Variants in KCTD16 observed in about 807,000 individuals in gnomAD.
KCTD16 encodes BTB/POZ domain-containing protein KCTD16.
Under a neutral mutation model 33.2 loss-of-function variants are expected in KCTD16, and 13 were observed. The observed-to-expected ratio is 0.39, with a 90% CI of 0.25 to 0.62. The LOEUF (loss-of-function observed/expected upper bound fraction) is 0.62. Among genes scored for constraint, KCTD16 ranks in the 20% least tolerant of loss-of-function variants. KCTD16 has a pLI of 0.50. For missense variants in KCTD16, 441 were observed against 525.1 expected, an observed-to-expected ratio of 0.84 and a Z score of 1.57; for synonymous variants, 197 against 195.3, an observed-to-expected ratio of 1.01 and a Z score of -0.07.
intron 3 of KCTD16, among the ~76,000 whole-genome samples, chr5:144,271,745 T>C (rs543567483): frequency 6.7e-6 from 1 of 148,898 alleles, no homozygotes; most frequent in African/African-American, 2.5e-5. Flanking sequence ...CTGGTATGTC[T>C]AAAAGACTAA....
intron 3 of KCTD16, among the ~76,000 whole-genome samples, chr5:144,411,285 T>C (rs1752927047): frequency 6.6e-6 from 1 of 152,154 alleles, no homozygotes; most frequent in Non-Finnish European, 1.5e-5. Flanking sequence ...CTTCAAAATA[T>C]ACTACAAAGC....
At chr5:144,419,181 G>A (rs187765551) in intron 3 of KCTD16, among the ~76,000 whole-genome samples, 5 of 152,216 alleles carry the variant, frequency 3.3e-5, no homozygotes, top group Non-Finnish European at 7.4e-5. Context: ...AGTTTCTGAC[G>A]TATTTTGGAG....
rs1276504141 is a variant in KCTD16 at position 144,479,935 on chromosome 5, A to G, written c.*5821A>G. ...TTTGTAAAACACTTATATGCCAACC[A>G]GAGGGTTTATTAAGTCTCTTGTCTC... is the stretch of plus-strand genomic sequence containing the variant. On this transcript the variant is annotated 3_prime_UTR_variant, in exon 4 of 4. Coordinates refer to ENST00000512467, the MANE Select transcript of KCTD16 (RefSeq NM_020768.4). 1 of 151,956 alleles carries G rather than the reference A, an allele frequency of 6.6e-6. No homozygotes were observed. The highest frequency in any genetic ancestry group is 2.4e-5 in the African/African-American group (1 of 41,416). 9.4% of individuals were successfully genotyped at this position (151,956 alleles called of 1,614,324 possible).
At chr5:144,291,115 C>T (rs773400087) in intron 3 of KCTD16, among the ~76,000 whole-genome samples, 25 of 152,102 alleles carry the variant, frequency 1.6e-4, no homozygotes, top group African/African-American at 4.6e-4. Context: ...AGTTAACACA[C>T]GGGAAGGGGA....
intron 2 of KCTD16, among the ~76,000 whole-genome samples, chr5:144,184,256 C>G (rs543673174): frequency 6.6e-6 from 1 of 152,134 alleles, no homozygotes; most frequent in Non-Finnish European, 1.5e-5. Flanking sequence ...ACTTCCCACC[C>G]CAGCTCTGGC....
intron 3 of KCTD16, among the ~76,000 whole-genome samples, chr5:144,343,911 A>T (rs1008551045): frequency 2.0e-5 from 3 of 152,152 alleles, no homozygotes; most frequent in Non-Finnish European, 4.4e-5. Context: ...CTGAATCCTA[A>T]GCCAAAAGAA....
chr5:144,239,927 G>A (rs1229864543), intron 3 of KCTD16, among the ~76,000 whole-genome samples: 1 of 152,096 alleles, frequency 6.6e-6, no homozygotes, highest in Non-Finnish European at 1.5e-5. Flanking sequence ...AATGTAAAAT[G>A]CATAGTGTCA....
At chr5:144,436,620 T>A (rs1332899750) in intron 3 of KCTD16, among the ~76,000 whole-genome samples, 1 of 150,726 alleles carries the variant, frequency 6.6e-6, no homozygotes, top group Admixed American at 6.6e-5. Context: ...GGAGTATCGC[T>A]CTTGTCACCC....
chr5:144,475,799 G>T lies in KCTD16; in HGVS notation c.*1685G>T, dbSNP rs1754581457. 1 of 152,518 alleles carries T rather than the reference G, an allele frequency of 6.6e-6. No homozygotes were observed. The highest frequency in any genetic ancestry group is 1.5e-5 in the Non-Finnish European group (1 of 68,012). 9.4% of individuals were successfully genotyped at this position (152,518 alleles called of 1,614,324 possible). On this transcript the variant is annotated 3_prime_UTR_variant, in exon 4 of 4. Transcript: ENST00000512467. ...GCACATTTATTATGTAAGATGTTCT[G>T]TCTTGATTTCTGTTCTTAGTGATGA... is the stretch of plus-strand genomic sequence containing the variant.
intron 3 of KCTD16, among the ~76,000 whole-genome samples, chr5:144,240,451 TAC>T (rs1335848513): frequency 6.6e-6 from 1 of 152,136 alleles, no homozygotes; most frequent in Non-Finnish European, 1.5e-5. Flanking sequence ...GAAAAAATAG[TAC>T]AGAGTCCCTG....
chr5:144,237,218 A>T (rs1387167250), intron 3 of KCTD16, among the ~76,000 whole-genome samples: 2 of 152,072 alleles, frequency 1.3e-5, no homozygotes, highest in Non-Finnish European at 2.9e-5. Flanking sequence ...TATGGTGAAT[A>T]TGAAGCACTA....
At chr5:144,237,923 C>T (rs1754297909) in intron 3 of KCTD16, among the ~76,000 whole-genome samples, 1 of 152,160 alleles carries the variant, frequency 6.6e-6, no homozygotes, top group Non-Finnish European at 1.5e-5. Context: ...GCCAGAACTG[C>T]ATCTTCGAAT....
At chr5:144,225,260 A>G (rs1251212659) in intron 3 of KCTD16, among the ~76,000 whole-genome samples, 1 of 152,082 alleles carries the variant, frequency 6.6e-6, no homozygotes, top group Admixed American at 6.5e-5. Flanking sequence ...TCAAATTTCA[A>G]GTTTTATGAA....
At chr5:144,369,017 C>G (rs1385089021) in intron 3 of KCTD16, among the ~76,000 whole-genome samples, 1 of 152,174 alleles carries the variant, frequency 6.6e-6, no homozygotes, top group Non-Finnish European at 1.5e-5. Context: ...TGAGGACTGC[C>G]TCATCATCCT....
At chr5:144,172,798 T>A (rs1278478409) in intron 1 of KCTD16, among the ~76,000 whole-genome samples, 2 of 152,232 alleles carry the variant, frequency 1.3e-5, no homozygotes, top group Non-Finnish European at 2.9e-5. Flanking sequence ...TCCATGAAGC[T>A]GTGTTTCGAG....
At chr5:144,185,540 A>G (rs1580773332) in intron 2 of KCTD16, among the ~76,000 whole-genome samples, 1 of 152,246 alleles carries the variant, frequency 6.6e-6, no homozygotes, top group African/African-American at 2.4e-5. Context: ...GGTGGCAGGG[A>G]GTATAAAATG....
At chr5:144,242,246 G>A (rs979657484) in intron 3 of KCTD16, among the ~76,000 whole-genome samples, 5 of 152,054 alleles carry the variant, frequency 3.3e-5, no homozygotes, top group African/African-American at 9.6e-5. Flanking sequence ...ACATTCTAGT[G>A]TACAGACAGA....
chr5:144,259,814 T>C (rs1754956965), intron 3 of KCTD16, among the ~76,000 whole-genome samples: 2 of 152,228 alleles, frequency 1.3e-5, no homozygotes, highest in South Asian at 4.1e-4. Context: ...GCAAAAACCC[T>C]GTGGCCATCA....
chr5:144,322,999 ATTC>A (rs994747798), intron 3 of KCTD16, among the ~76,000 whole-genome samples: 9 of 152,148 alleles, frequency 5.9e-5, no homozygotes, highest in African/African-American at 2.2e-4. Context: ...CCATTGGTCA[ATTC>A]TTCTTCATTC....
Sources: allele counts gnomAD v4.1 joint callset (sites outside exome capture counted in the v4.1 genomes callset), GRCh38; gene constraint gnomAD v4.1.1; transcripts MANE v1.5; gene names NCBI Gene and HGNC (gene_info 2026-07-23, HGNC 2026-07-21).